The following EHMT1 variants were observed in gnomAD, a reference collection of about 807,000 sequenced individuals.
The protein encoded by EHMT1 is euchromatic histone lysine methyltransferase 1.
A neutral mutation model predicts 147.2 loss-of-function variants in EHMT1; 15 were observed. The observed-to-expected ratio is 0.10, with a 90% confidence interval of 0.07 to 0.16. The LOEUF is 0.16. Among genes scored for constraint, EHMT1 ranks in the 10% least tolerant of loss-of-function variants. The pLI, the probability that EHMT1 is intolerant of heterozygous loss-of-function variation, is 1.00. For missense variants in EHMT1, 1,587 were observed against 1,772.4 expected (o/e 0.90, Z 1.88); for synonymous variants, 795 against 709.6 (o/e 1.12, Z -1.91).
At chr9:137,788,380 C>A (rs1276800427) in intron 15 of EHMT1, 2 of 323,650 alleles carry the variant, frequency 6.2e-6, no homozygotes, top group Non-Finnish European at 1.1e-5. Flanking sequence ...AGCGCCTCAG[C>A]CGGGGTGACG....
At chr9:137,781,286 GA>G (rs1460285444) in intron 14 of EHMT1, among the ~76,000 whole-genome samples, 10 of 134,428 alleles carry the variant, frequency 7.4e-5, no homozygotes, top group Non-Finnish European at 9.6e-5. Flanking sequence ...TGATGACGCT[GA>G]GATGTGTGGT....
intron 13 of EHMT1, among the ~76,000 whole-genome samples, chr9:137,779,292 T>A (rs953534708): frequency 2.6e-5 from 4 of 152,262 alleles, no homozygotes. Flanking sequence ...TGGTCCCGGC[T>A]GTGCTGAGCG....
At chr9:137,798,950 T>C (rs2137315061) in intron 17 of EHMT1, 36 bp downstream of exon 17, 2 of 1,534,644 alleles carry the variant, frequency 1.3e-6, no homozygotes, top group Non-Finnish European at 1.8e-6. Context: ...GTACACTGTG[T>C]GGACTGGCTA....
At position 137,813,118 on chromosome 9, in the gene EHMT1, G is replaced by A. The variant is rs779016395; in HGVS notation, c.2980G>A (p.Ala994Thr). ...QVWSALQMSK[A>T]LQDSAPDRPS... ...GTGGAGCGCTCTGCAGATGAGCAAG[G>A]CTCTGCAGGACTCGGCCCCCGACAG... is the stretch of plus-strand genomic sequence containing the variant. Residue 994 changes from alanine to threonine, a missense_variant, in exon 20 of 27, where the codon GCT becomes ACT. Ala to Thr is a moderately conservative substitution (Grantham distance 58). Around this residue, in one of 7 missense-constraint regions of EHMT1, gnomAD observed 78 missense variants for 68.9 expected, o/e 1.13. Transcript: ENST00000460843. This position sits in a 1 kb window ranked among gnomAD's most constrained non-coding sequence, Gnocchi z 4.9. 6 of 1,613,114 alleles carry A rather than the reference G, an allele frequency of 3.7e-6. No individual in the cohort carries two copies. The highest frequency in any genetic ancestry group is 5.1e-6 in the Non-Finnish European group (6 of 1,180,030).
chr9:137,765,026 C>T (rs957149515), intron 10 of EHMT1, among the ~76,000 whole-genome samples: 3 of 152,210 alleles, frequency 2.0e-5, no homozygotes, highest in South Asian at 2.1e-4. Context: ...TGTGGAGGTT[C>T]GTGCGCTGGG....
intron 4 of EHMT1, chr9:137,738,836 G>C (rs979500704): frequency 3.3e-5 from 5 of 152,290 alleles, no homozygotes; most frequent in Non-Finnish European, 7.3e-5. Context: ...GAGGTCCCTA[G>C]AGTCGTCCAA....
rs1273333637 is a variant in EHMT1 at position 137,732,346 on chromosome 9, G to A, written c.823+3817G>A. On this transcript the variant is annotated intron_variant, in intron 4 of 26. Coordinates refer to ENST00000460843, the MANE Select transcript of EHMT1 (RefSeq NM_024757.5). This position sits in a 1 kb window ranked among gnomAD's most constrained non-coding sequence, Gnocchi z 4.6. ...ACATGTTACAGCCCTTTTTGCACCC[G>A]CTGTTGCGTGGGTCCCGAGTTCTTG... is the stretch of plus-strand genomic sequence containing the variant. Among the ~76,000 whole-genome samples the A allele has an allele frequency of 2.0e-5, 3 of 152,180 alleles. No homozygotes were observed. The highest frequency in any genetic ancestry group is 6.5e-5 in the Admixed American group (1 of 15,284).
chr9:137,635,558 C>G lies in EHMT1; in HGVS notation c.21+16509C>G, dbSNP rs749943804. Among the ~76,000 whole-genome samples, 118 of 151,398 alleles carry G rather than the reference C, an allele frequency of 7.8e-4. 1 individual carries two copies. Among genetic ancestry groups the G allele is most frequent in the Admixed American group, 3.0e-3 (45 of 15,240 alleles). The stretch of plus-strand genomic sequence containing the variant: ...TTTCAGAGCTGGGCGCGGTGGCTCA[C>G]GCCTGTAATCCCAGCACTTTGGGAG... On this transcript the variant is annotated intron_variant, in intron 1 of 26. Transcript: ENST00000460843.
At chr9:137,719,825 C>T (rs1182446567) in intron 3 of EHMT1, among the ~76,000 whole-genome samples, 1 of 151,580 alleles carries the variant, frequency 6.6e-6, no homozygotes, top group Non-Finnish European at 1.5e-5. Context: ...ATGCCGAACC[C>T]CCTCCACACC....
At chr9:137,696,942 C>T (rs1943442039) in intron 1 of EHMT1, among the ~76,000 whole-genome samples, 1 of 152,184 alleles carries the variant, frequency 6.6e-6, no homozygotes, top group Non-Finnish European at 1.5e-5. Flanking sequence ...ACTTCTGACC[C>T]AGAGGCACAG....
At chr9:137,690,998 G>C (rs530691841) in intron 1 of EHMT1, among the ~76,000 whole-genome samples, 1 of 152,238 alleles carries the variant, frequency 6.6e-6, no homozygotes, top group East Asian at 1.9e-4. Flanking sequence ...GCTCAGTATT[G>C]TTAAGTATAT....
chr9:137,725,567 ATG>A (rs1019186434), intron 3 of EHMT1, among the ~76,000 whole-genome samples: 8 of 152,172 alleles, frequency 5.3e-5, no homozygotes, highest in African/African-American at 1.9e-4. Flanking sequence ...GGCCACTAGA[ATG>A]TGAATCCAGG....
In EHMT1 at chr9:137,775,487, T is replaced by G. The variant is rs1950889852; in HGVS notation, c.1791+235T>G. 6.6e-6 allele frequency among the ~76,000 whole-genome samples: 1 copy of G among 150,638 alleles called. No individual in the cohort carries two copies. Among genetic ancestry groups the G allele is most frequent in the Admixed American group, 6.6e-5 (1 of 15,190 alleles). On this transcript the variant is annotated intron_variant, in intron 11 of 26. Coordinates refer to ENST00000460843, the MANE Select transcript of EHMT1 (RefSeq NM_024757.5). The surrounding 1 kb of genome is among the most constrained non-coding windows in gnomAD (Gnocchi z 6.1). ...TTCCCTCCTACCGCCTGGAAACCGC[T>G]TTTGGAGATGACTAGGACGGTGTGA...
intron 9 of EHMT1, among the ~76,000 whole-genome samples, chr9:137,759,452 A>C (rs529269201): frequency 6.6e-6 from 1 of 152,324 alleles, no homozygotes; most frequent in Admixed American, 6.5e-5. Context: ...GAGCTGGCAC[A>C]TGAAGGCCGT....
At chr9:137,757,356 G>A (rs921362605) in intron 8 of EHMT1, among the ~76,000 whole-genome samples, 2 of 152,168 alleles carry the variant, frequency 1.3e-5, no homozygotes, top group South Asian at 2.1e-4. Flanking sequence ...GATCCTTTCC[G>A]GGAGCCTCCC....
chr9:137,640,321 C>A (rs1844396212), intron 1 of EHMT1, among the ~76,000 whole-genome samples: 1 of 152,094 alleles, frequency 6.6e-6, no homozygotes, highest in African/African-American at 2.4e-5. Flanking sequence ...TGCTGTTACC[C>A]TGGCTGGAGT....
At chr9:137,793,579 G>C (rs1189140653) in intron 16 of EHMT1, among the ~76,000 whole-genome samples, 1 of 152,240 alleles carries the variant, frequency 6.6e-6, no homozygotes, top group Non-Finnish European at 1.5e-5. Context: ...AACACAAAGA[G>C]ATCTTCATAC....
chr9:137,793,420 G>A (rs1331967349), intron 16 of EHMT1, among the ~76,000 whole-genome samples: 4 of 152,202 alleles, frequency 2.6e-5, no homozygotes, highest in African/African-American at 4.8e-5. Context: ...TGGCAATATC[G>A]GAACTCTCAC....
Position 137,813,287 on chromosome 9 carries a change from G to T in EHMT1, c.3036-99G>T, listed in dbSNP as rs1307084512. ...ACATCCCCAGGCTGCAGTCCAAATT[G>T]TCAGGGCCAGGTGTTTGCCAGCCGC... On this transcript the variant is annotated intron_variant, in intron 20 of 26. Coordinates refer to ENST00000460843, the MANE Select transcript of EHMT1 (RefSeq NM_024757.5). The surrounding 1 kb of genome is among the most constrained non-coding windows in gnomAD (Gnocchi z 4.9). The T allele has an allele frequency of 1.9e-6, 3 of 1,556,196 alleles. No homozygotes were observed. The highest frequency in any genetic ancestry group is 2.6e-6 in the Non-Finnish European group (3 of 1,156,538).
Sources: allele counts gnomAD v4.1 joint callset (sites outside exome capture counted in the v4.1 genomes callset), GRCh38; gene constraint gnomAD v4.1.1; regional missense constraint gnomAD v4.1.1; non-coding constraint Gnocchi (gnomAD v3.1); transcripts MANE v1.5; gene names NCBI Gene and HGNC (gene_info 2026-07-23, HGNC 2026-07-21).